GRID1: variants seen among roughly 807,000 people sequenced by gnomAD.
The protein encoded by GRID1 is glutamate receptor ionotropic, delta-1.
GRID1 carries 28 observed loss-of-function variants against 98.0 expected under a neutral mutation model. The observed-to-expected ratio is 0.29, with a 90% CI of 0.21 to 0.39. GRID1 has a LOEUF of 0.39. GRID1 is among the 10% of genes least tolerant of loss of function. The pLI is 1.00. For synonymous variants in GRID1, 553 were observed against 538.5 expected (o/e 1.03, Z -0.37); for missense variants, 1,111 against 1,340.5 (o/e 0.83, Z 2.67).
chr10:85,641,437 A>C (rs1843116346), intron 13 of GRID1, among the ~76,000 whole-genome samples: 2 of 152,344 alleles, frequency 1.3e-5, no homozygotes, highest in South Asian at 4.1e-4. Context: ...ATATCTTGCC[A>C]CTTTGGTGTC....
rs567046442 is a variant in GRID1 at position 86,107,988 on chromosome 10, C to T, written c.726+30831G>A. On this transcript the variant is annotated intron_variant, in intron 4 of 15. Transcript: ENST00000327946. Reference sequence around the variant, plus strand: ...CTTCCAGTACATGAAGGCAAGAACCCGGGATACAGAGAGCCCTTTGTCCGT... The same window carrying T: ...CTTCCAGTACATGAAGGCAAGAACCTGGGATACAGAGAGCCCTTTGTCCGT... 9.2e-5 allele frequency among the ~76,000 whole-genome samples: 14 copies of T among 152,294 alleles called. No homozygotes were observed. The East Asian group carries it at 1.4e-3, about 15-fold the overall frequency.
rs965290747 is a variant in GRID1, at chr10:85,789,950, C to T, written c.1234-60336G>A. 8.5e-5 allele frequency among the ~76,000 whole-genome samples: 13 copies of T among 152,334 alleles called. No individual in the cohort carries two copies. The East Asian group carries it at 2.5e-3, about 29-fold the overall frequency. Reference sequence around the variant, plus strand: ...GTTCTGCAGTGGCAGCACCCGCCCTCATGGCTCTTGGCATCCACACCTGCT... The same window carrying T: ...GTTCTGCAGTGGCAGCACCCGCCCTTATGGCTCTTGGCATCCACACCTGCT... On this transcript the variant is annotated intron_variant, in intron 8 of 15. Transcript: ENST00000327946.
At chr10:85,774,006 C>T (rs191791246) in intron 8 of GRID1, among the ~76,000 whole-genome samples, 8 of 152,204 alleles carry the variant, frequency 5.3e-5, no homozygotes, top group East Asian at 3.9e-4. Flanking sequence ...AAAGAGAGCC[C>T]GCATCGCCAA....
intron 12 of GRID1, among the ~76,000 whole-genome samples, chr10:85,690,931 T>C (rs1473514392): frequency 6.6e-6 from 1 of 152,172 alleles, no homozygotes; most frequent in African/African-American, 2.4e-5. Flanking sequence ...TAATTGAATC[T>C]GGAAGCAGGC....
intron 4 of GRID1, among the ~76,000 whole-genome samples, chr10:86,119,348 C>T (rs1844632534): frequency 6.6e-6 from 1 of 151,884 alleles, no homozygotes; most frequent in South Asian, 2.1e-4. Context: ...AACAAACAAA[C>T]AAACAAAAAC....
intron 2 of GRID1, among the ~76,000 whole-genome samples, chr10:86,355,825 A>G (rs1848526743): frequency 6.6e-6 from 1 of 152,202 alleles, no homozygotes; most frequent in Admixed American, 6.5e-5. Context: ...AATGGCAGAG[A>G]GATGCGTGGT....
At chr10:85,963,401 A>C (rs2131850377) in intron 4 of GRID1, among the ~76,000 whole-genome samples, 1 of 152,020 alleles carries the variant, frequency 6.6e-6, no homozygotes, top group Non-Finnish European at 1.5e-5. Flanking sequence ...CTCCCATCCC[A>C]TTTCTCACTT....
At chr10:86,155,578 C>T (rs1042947315) in intron 3 of GRID1, among the ~76,000 whole-genome samples, 1 of 152,200 alleles carries the variant, frequency 6.6e-6, no homozygotes, top group Non-Finnish European at 1.5e-5. Context: ...AGCCCTGTCA[C>T]CAGGATAAAG....
At chr10:86,116,444 G>C (rs1844580746) in intron 4 of GRID1, among the ~76,000 whole-genome samples, 1 of 152,108 alleles carries the variant, frequency 6.6e-6, no homozygotes, top group Admixed American at 6.5e-5. Context: ...AGGAGCCCAG[G>C]GTGAGAAGCT....
At chr10:86,043,756 C>T (rs1843380868) in intron 4 of GRID1, among the ~76,000 whole-genome samples, 1 of 152,246 alleles carries the variant, frequency 6.6e-6, no homozygotes, top group Non-Finnish European at 1.5e-5. Flanking sequence ...CTCACATCCT[C>T]CATTTGTTTC....
chr10:86,235,514 C>G (rs1846524024), intron 2 of GRID1, among the ~76,000 whole-genome samples: 1 of 152,324 alleles, frequency 6.6e-6, no homozygotes, highest in South Asian at 2.1e-4. Flanking sequence ...TCCATACACC[C>G]CAAAGGTCCC....
intron 4 of GRID1, among the ~76,000 whole-genome samples, chr10:86,095,466 G>T (rs1267689733): frequency 6.6e-6 from 1 of 151,824 alleles, no homozygotes; most frequent in Non-Finnish European, 1.5e-5. Context: ...TCTGACAAAG[G>T]ACTAATATCC....
chr10:86,092,637 G>A (rs1844165998), intron 4 of GRID1, among the ~76,000 whole-genome samples: 1 of 152,154 alleles, frequency 6.6e-6, no homozygotes, highest in African/African-American at 2.4e-5. Context: ...AAAGAGACAA[G>A]GAGGGACAGT....
intron 2 of GRID1, among the ~76,000 whole-genome samples, chr10:86,217,837 G>A (rs1315302127): frequency 2.0e-5 from 3 of 152,104 alleles, no homozygotes; most frequent in Non-Finnish European, 4.4e-5. Flanking sequence ...ATGAAGGCCA[G>A]GTCTGAGGAA....
At chr10:86,082,472 T>C (rs1843991179) in intron 4 of GRID1, among the ~76,000 whole-genome samples, 1 of 152,116 alleles carries the variant, frequency 6.6e-6, no homozygotes, top group African/African-American at 2.4e-5. Flanking sequence ...TCCTTGGAAA[T>C]TCCCCTGCAC....
intron 12 of GRID1, among the ~76,000 whole-genome samples, chr10:85,716,808 T>C (rs1461900708): frequency 6.6e-6 from 1 of 151,418 alleles, no homozygotes; most frequent in Admixed American, 6.6e-5. Context: ...TTATGTTACG[T>C]TAACTCAAAT....
Position 85,600,169 on chromosome 10 carries a change from G to A in GRID1, c.*2104C>T, listed in dbSNP as rs1406439475. 1.3e-5 allele frequency: 2 copies of A among 152,368 alleles called. No individual in the cohort carries two copies. Among genetic ancestry groups the A allele is most frequent in the Admixed American group, 1.3e-4 (2 of 15,258 alleles). The allele number at this position is 152,368 out of a possible 1,614,324, so 9.4% of individuals were successfully genotyped here. The stretch of plus-strand genomic sequence containing the variant: ...TGAAAAATTGACCATTCAGGGCAGG[G>A]CCCCCAACGTGCTGATGGAAAACAA... On this transcript the variant is annotated 3_prime_UTR_variant, in exon 16 of 16. Coordinates refer to ENST00000327946, the MANE Select transcript of GRID1 (RefSeq NM_017551.3).
intron 4 of GRID1, among the ~76,000 whole-genome samples, chr10:86,090,843 A>T (rs1844135712): frequency 6.6e-6 from 1 of 152,196 alleles, no homozygotes; most frequent in South Asian, 2.1e-4. Context: ...TGGGAAAGGG[A>T]GACCCTCCTC....
intron 2 of GRID1, among the ~76,000 whole-genome samples, chr10:86,208,364 G>C (rs556649165): frequency 1.3e-5 from 2 of 152,192 alleles, no homozygotes; most frequent in East Asian, 3.9e-4. Context: ...GCTCCAGTCT[G>C]CTGAGTTCTC....
Sources: allele counts gnomAD v4.1 joint callset (sites outside exome capture counted in the v4.1 genomes callset), GRCh38; gene constraint gnomAD v4.1.1; transcripts MANE v1.5; gene names NCBI Gene and HGNC (gene_info 2026-07-23, HGNC 2026-07-21).